The following BSCL2 variants were observed in gnomAD, a reference collection of about 807,000 sequenced individuals.
BSCL2 encodes the protein seipin.
A neutral mutation model predicts 57.4 loss-of-function variants in BSCL2; 41 were observed. The ratio of observed to expected loss-of-function variants is 0.71; its 90% CI spans 0.56 to 0.93. BSCL2 has a LOEUF of 0.93. BSCL2 is among the 40% of genes least tolerant of loss of function. The pLI is 0.00. For synonymous variants in BSCL2, 237 were observed against 227.3 expected, an observed-to-expected ratio of 1.04 and a Z score of -0.38; for missense variants, 539 against 586.7, an observed-to-expected ratio of 0.92 and a Z score of 0.84.
chr11:62,692,347 C>T (rs760068361), intron 6 of BSCL2, 29 bp downstream of exon 6: 208 of 1,610,848 alleles, frequency 1.3e-4, no homozygotes, highest in East Asian at 6.2e-4. Flanking sequence ...TGAAGAGTTG[C>T]CCAAGGTTCA....
intron 3 of BSCL2, 86 bp from the exon 4 acceptor site, chr11:62,694,797 A>G (rs1590873343): frequency 5.4e-5 from 80 of 1,474,772 alleles, no homozygotes; most frequent in Non-Finnish European, 6.9e-5. Context: ...TAGCCCCCGC[A>G]ACGCCCCCAA....
At chr11:62,701,661 C>G (rs969065843) in intron 3 of BSCL2, among the ~76,000 whole-genome samples, 4 of 151,874 alleles carry the variant, frequency 2.6e-5, no homozygotes, top group Admixed American at 2.0e-4. Flanking sequence ...GAAATCCCAT[C>G]CCTACTAAAA....
At position 62,691,370 on chromosome 11, in the gene BSCL2, G is replaced by A. The variant is rs1945306291; in HGVS notation, c.915C>T (p.Ser305=). The A allele has an allele frequency of 6.2e-7, 1 of 1,614,090 alleles. No homozygotes were observed. The highest frequency in any genetic ancestry group is 8.5e-7 in the Non-Finnish European group (1 of 1,180,042). ...CGATGACGCTGAGGAAGGTGAAGTTGCTGGCAACACCTATGAAGGCGCAGG... is the reference window on the plus strand; with the variant it reads ...CGATGACGCTGAGGAAGGTGAAGTTACTGGCAACACCTATGAAGGCGCAGG... ...PMTCAFIGVA[S]NFTFLSVIVL... is the part of the protein sequence containing the mutation. Residue 305 remains serine, a synonymous_variant, in exon 7 of 11, where the codon AGC becomes AGT. Transcript: ENST00000360796.
At chr11:62,690,583 C>T in intron 10 of BSCL2, 29 bp downstream of exon 10, 1 of 1,614,008 alleles carries the variant, frequency 6.2e-7, no homozygotes, top group Non-Finnish European at 8.5e-7. Flanking sequence ...GGGGGCCCCA[C>T]CCAGGTCACG....
At chr11:62,691,962 G>A (rs1305369267) in intron 6 of BSCL2, among the ~76,000 whole-genome samples, 1 of 151,720 alleles carries the variant, frequency 6.6e-6, no homozygotes, top group African/African-American at 2.4e-5. Context: ...TGAGGCAGGA[G>A]AATGGTGTGA....
Position 62,690,684 on chromosome 11 carries a change from G to A in BSCL2, c.1162C>T (p.Leu388=), listed in dbSNP as rs1945284724. The A allele has an allele frequency of 1.2e-6, 2 of 1,613,826 alleles. No individual in the cohort carries two copies. The highest frequency in any genetic ancestry group is 4.5e-5 in the East Asian group (2 of 44,890). ...TGATCTGGTTTCTCCTCCTCGGACA[G>A]CTGACCCTCTGCAGCCAAAAGGGGA... is the stretch of plus-strand genomic sequence containing the variant. ...PEDPSGTEGQ[L]SEEEKPDQQP... The change falls in exon 10 of 11, where the codon CTG becomes TTG. Residue 388 remains leucine, a synonymous_variant. Transcript: ENST00000360796.
At chr11:62,695,813 T>TTA (rs1212912077) in intron 3 of BSCL2, among the ~76,000 whole-genome samples, 3 of 152,058 alleles carry the variant, frequency 2.0e-5, no homozygotes, top group Non-Finnish European at 2.9e-5. Context: ...CTTTCAGTGT[T>TTA]TATCACTAAG....
chr11:62,696,371 T>A (rs1332672436), intron 3 of BSCL2, among the ~76,000 whole-genome samples: 2 of 151,192 alleles, frequency 1.3e-5, no homozygotes, highest in Non-Finnish European at 2.9e-5. Flanking sequence ...CATGGCTCAC[T>A]GTGCCTGGAA....
At chr11:62,697,254 G>C (rs901011800) in intron 3 of BSCL2, among the ~76,000 whole-genome samples, 1 of 151,542 alleles carries the variant, frequency 6.6e-6, no homozygotes, top group East Asian at 2.0e-4. Flanking sequence ...AATTAGCCGG[G>C]CATGGTGGTG....
chr11:62,704,307 G>A (rs61893765), intron 2 of BSCL2, among the ~76,000 whole-genome samples: 1 of 147,114 alleles, frequency 6.8e-6, no homozygotes, highest in Admixed American at 7.0e-5. Context: ...GCCAAGGCAG[G>A]TGGATCACAA....
rs56135662 is a variant in BSCL2, at chr11:62,706,076, C to T, written c.88-459G>A. ...AATTGCTTCCCGAGTTTCTCCTCTC[C>T]GCCTCGAGCAGAGCTCGCTCACCGA... is the stretch of plus-strand genomic sequence containing the variant. On this transcript the variant is annotated intron_variant, in intron 1 of 10. Coordinates refer to ENST00000360796, the MANE Select transcript of BSCL2 (RefSeq NM_001122955.4). 0.2 allele frequency: 72,903 copies of T among 373,328 alleles called. 7,655 individuals carry two copies. Among genetic ancestry groups the T allele is most frequent in the Non-Finnish European group, 0.22 (57,427 of 257,748 alleles). 23.1% of individuals were successfully genotyped at this position (373,328 alleles called of 1,614,324 possible).
chr11:62,706,246 G>A (rs1393315975), intron 1 of BSCL2: 13 of 1,095,916 alleles, frequency 1.2e-5, no homozygotes, highest in East Asian at 1.0e-4. Flanking sequence ...CTGCCACAGG[G>A]CTGCCGACTC....
At chr11:62,709,294 G>C (rs2134755395), upstream of BSCL2, 3 of 454,200 alleles carry the variant, frequency 6.6e-6, no homozygotes, top group Non-Finnish European at 1.3e-5. Flanking sequence ...ATGCAGGCTA[G>C]ACATCGTCAA....
chr11:62,696,783 G>T (rs1945480043), intron 3 of BSCL2, among the ~76,000 whole-genome samples: 2 of 152,058 alleles, frequency 1.3e-5, no homozygotes, highest in African/African-American at 4.8e-5. Flanking sequence ...GTCTTGAACT[G>T]CTGGACTCAA....
chr11:62,692,617 T>C (rs201506985), intron 5 of BSCL2, 46 bp downstream of exon 5: 46 of 1,613,494 alleles, frequency 2.9e-5, no homozygotes, highest in Non-Finnish European at 3.7e-5. Context: ...CCTGGGCTAA[T>C]GGGAGGGGCT....
chr11:62,696,278 T>TTGTGTGTGTGTGTGTGTGTGTGTGTG (rs1197051764), intron 3 of BSCL2, among the ~76,000 whole-genome samples: 4 of 136,228 alleles, frequency 2.9e-5, no homozygotes, highest in Non-Finnish European at 6.2e-5. Flanking sequence ...CATAAACTTT[T>TTGTGTGTGTGTGTGTGTGTGTGTGTG]TGTGTGTGTG....
chr11:62,706,548 A>T, intron 1 of BSCL2: 2 of 460,948 alleles, frequency 4.3e-6, no homozygotes, highest in South Asian at 3.1e-5. Flanking sequence ...GCCCCAGGGG[A>T]TGCGCTGACT....
Position 62,690,349 on chromosome 11 carries a change from G to T in BSCL2, c.*18C>A. On this transcript the variant is annotated 3_prime_UTR_variant, in exon 11 of 11. Transcript: ENST00000360796. ...CAGGTGGGAAAGTGCTGGAATGTGA[G>T]GAGTCTGCCCCTTTTCTTCAGGAAC... The T allele has an allele frequency of 6.2e-7, 1 of 1,613,784 alleles. No individual in the cohort carries two copies. Among genetic ancestry groups the T allele is most frequent in the Non-Finnish European group, 8.5e-7 (1 of 1,180,028 alleles).
At position 62,691,304 on chromosome 11, in the gene BSCL2, C is replaced by T. The variant is rs1945303543; in HGVS notation, c.981G>A (p.Trp327Ter). 6.2e-7 allele frequency: 1 copy of T among 1,614,038 alleles called. No homozygotes were observed. Among genetic ancestry groups the T allele is most frequent in the African/African-American group, 1.3e-5 (1 of 74,920 alleles). Residue 327 changes from tryptophan (W) to a stop codon, truncating the protein, a stop_gained, in exon 7 of 11, where the codon TGG becomes TGA. Coordinates refer to ENST00000360796, the MANE Select transcript of BSCL2 (RefSeq NM_001122955.4). LOFTEE classifies it high-confidence loss of function. ...SYMQWVWGGIWPRHRFSLQVN... is the reference protein window; with the variant it reads ...SYMQWVWGGI Reference sequence around the variant, plus strand: ...CCTGCAAAGAGAAGCGGTGTCGGGGCCAGATGCCCCCCCACACCCACTGCA... The same window carrying T: ...CCTGCAAAGAGAAGCGGTGTCGGGGTCAGATGCCCCCCCACACCCACTGCA...
Sources: allele counts gnomAD v4.1 joint callset (sites outside exome capture counted in the v4.1 genomes callset), GRCh38; gene constraint gnomAD v4.1.1; transcripts MANE v1.5; gene names NCBI Gene and HGNC (gene_info 2026-07-23, HGNC 2026-07-21).